KIAA1217: variants seen among roughly 807,000 people sequenced by gnomAD.
KIAA1217 encodes sickle tail protein homolog.
In KIAA1217, 88 loss-of-function variants were observed where a neutral mutation model predicts 163.9. The ratio of observed to expected loss-of-function variants is 0.54; its 90% CI spans 0.45 to 0.64. The LOEUF (loss-of-function observed/expected upper bound fraction) is 0.64, where lower values mean the gene tolerates loss of function less well. KIAA1217 is among the 30% of genes least tolerant of loss of function. The probability of loss-of-function intolerance (pLI) is 0.00; values close to 1 mark genes in which losing one functional copy is unlikely to be tolerated. For synonymous variants in KIAA1217, 903 were observed against 923.1 expected, an observed-to-expected ratio of 0.98 and a Z score of 0.39; for missense variants, 2,372 against 2,475.0, an observed-to-expected ratio of 0.96 and a Z score of 0.88.
intron 1 of KIAA1217, among the ~76,000 whole-genome samples, chr10:23,779,177 T>C (rs1588783481): frequency 6.6e-6 from 1 of 152,332 alleles, no homozygotes; most frequent in East Asian, 1.9e-4. Context: ...GCTGATGTAC[T>C]GTAACTATAA....
At chr10:24,354,194 G>A (rs2048789364) in intron 2 of KIAA1217, among the ~76,000 whole-genome samples, 1 of 152,196 alleles carries the variant, frequency 6.6e-6, no homozygotes, top group African/African-American at 2.4e-5. Flanking sequence ...TCTCTTATTT[G>A]ATTGCTATTA....
At chr10:24,152,228 T>G (rs1426821383) in intron 2 of KIAA1217, among the ~76,000 whole-genome samples, 1 of 152,212 alleles carries the variant, frequency 6.6e-6, no homozygotes, top group Non-Finnish European at 1.5e-5. Flanking sequence ...TTTTTATGTA[T>G]TTTAAACTCT....
chr10:24,108,418 T>C (rs952922902), intron 2 of KIAA1217, among the ~76,000 whole-genome samples: 10 of 152,200 alleles, frequency 6.6e-5, no homozygotes, highest in African/African-American at 2.4e-4. Flanking sequence ...TTTTTAAATG[T>C]GGTACTTGCA....
chr10:24,043,677 A>G (rs1387008288), intron 2 of KIAA1217, among the ~76,000 whole-genome samples: 1 of 152,138 alleles, frequency 6.6e-6, no homozygotes, highest in Non-Finnish European at 1.5e-5. Flanking sequence ...CTGTTAGACT[A>G]TGTATAAAGA....
chr10:24,238,948 T>G (rs934580113), intron 2 of KIAA1217, among the ~76,000 whole-genome samples: 1 of 152,338 alleles, frequency 6.6e-6, no homozygotes, highest in Middle Eastern at 3.4e-3. Flanking sequence ...CAAATTATAC[T>G]GTGCAGAGAT....
At chr10:24,308,777 C>T (rs2042286927) in intron 2 of KIAA1217, among the ~76,000 whole-genome samples, 1 of 152,066 alleles carries the variant, frequency 6.6e-6, no homozygotes, top group Non-Finnish European at 1.5e-5. Flanking sequence ...TCCTGTGTCC[C>T]TTCTACTTGA....
chr10:24,538,265 T>C (rs1414816616), intron 17 of KIAA1217, among the ~76,000 whole-genome samples: 1 of 152,108 alleles, frequency 6.6e-6, no homozygotes, highest in Non-Finnish European at 1.5e-5. Flanking sequence ...CCCTGGCTCA[T>C]AACCACCACG....
chr10:24,163,603 C>A (rs527303856), intron 2 of KIAA1217, among the ~76,000 whole-genome samples: 8 of 152,166 alleles, frequency 5.3e-5, no homozygotes, highest in Non-Finnish European at 1.0e-4. Flanking sequence ...TTAGTAAGTA[C>A]GCCTCACAAT....
rs544485071 is a variant in KIAA1217, at chr10:24,394,856, C to T, written c.553+13789C>T. Among the ~76,000 whole-genome samples the T allele has an allele frequency of 7.9e-5, 12 of 152,304 alleles. No individual in the cohort carries two copies. The East Asian group carries it at 1.7e-3, about 22-fold the overall frequency. ...CTGCTGCCGGTCTCTGTCTCCTTAC[C>T]TGCTGCATTCTAGTTTCATGATGCT... On this transcript the variant is annotated intron_variant, in intron 3 of 20. Coordinates refer to ENST00000376454, the MANE Select transcript of KIAA1217 (RefSeq NM_019590.5).
intron 6 of KIAA1217, among the ~76,000 whole-genome samples, chr10:24,493,488 T>A (rs143708755): frequency 6.6e-6 from 1 of 152,250 alleles, no homozygotes; most frequent in Non-Finnish European, 1.5e-5. Flanking sequence ...TTTTTAACAA[T>A]GTGTTGAAAA....
In KIAA1217 at chr10:23,941,287, G is replaced by T. The variant is rs1001203841; in HGVS notation, c.-320-65938G>T. ...ATTTTTATTACAAACAAATATGGAAGGCTTCTGGGTTCACGAATGGTGACG... is the reference window on the plus strand; with the variant it reads ...ATTTTTATTACAAACAAATATGGAATGCTTCTGGGTTCACGAATGGTGACG... On this transcript the variant is annotated intron_variant, in intron 1 of 18. Transcript: ENST00000376462. Among the ~76,000 whole-genome samples the T allele has an allele frequency of 3.9e-5, 6 of 152,264 alleles. No homozygotes were observed. The East Asian group carries it at 1.2e-3, about 29-fold the overall frequency.
intron 1 of KIAA1217, among the ~76,000 whole-genome samples, chr10:23,720,158 A>G (rs1199236449): frequency 4.6e-5 from 7 of 152,148 alleles, no homozygotes; most frequent in Middle Eastern, 3.4e-3. Context: ...TTGTATAATT[A>G]AGAATGGGTA....
At chr10:24,107,415 G>A (rs2062675212) in intron 2 of KIAA1217, among the ~76,000 whole-genome samples, 1 of 152,206 alleles carries the variant, frequency 6.6e-6, no homozygotes, top group African/African-American at 2.4e-5. Context: ...TGGGGTTGCT[G>A]GGACAAATGG....
chr10:24,378,601 T>C (rs905782072), intron 2 of KIAA1217, among the ~76,000 whole-genome samples: 1 of 151,680 alleles, frequency 6.6e-6, no homozygotes, highest in African/African-American at 2.4e-5. Context: ...CTTTTACCCA[T>C]GGTGCCTAGC....
chr10:23,938,687 G>A (rs1302186404), intron 1 of KIAA1217, among the ~76,000 whole-genome samples: 1 of 151,854 alleles, frequency 6.6e-6, no homozygotes, highest in Admixed American at 6.6e-5. Context: ...AAAAGGATGT[G>A]CCTCGGTTAT....
At chr10:24,046,413 C>G (rs1014976894) in intron 2 of KIAA1217, among the ~76,000 whole-genome samples, 4 of 152,150 alleles carry the variant, frequency 2.6e-5, no homozygotes, top group Non-Finnish European at 4.4e-5. Flanking sequence ...TTAGTCCATT[C>G]TCACACTGCT....
chr10:23,773,127 A>G (rs568516934), intron 1 of KIAA1217, among the ~76,000 whole-genome samples: 2 of 152,296 alleles, frequency 1.3e-5, no homozygotes, highest in East Asian at 3.9e-4. Flanking sequence ...GGAGAGAGGG[A>G]TATGATTGAC....
rs955742683 is a variant in KIAA1217, at chr10:23,882,831, T to A, written c.-320-124394T>A. On this transcript the variant is annotated intron_variant, in intron 1 of 18. Transcript: ENST00000376462. The stretch of plus-strand genomic sequence containing the variant: ...TGGAGATTGAAAAATATTTATGTGA[T>A]TCCTCATGAAAATGGGTTAAAAAAT... 4.6e-5 allele frequency among the ~76,000 whole-genome samples: 7 copies of A among 151,908 alleles called. 1 individual carries two copies. Among genetic ancestry groups the A allele is most frequent in the Admixed American group, 2.6e-4 (4 of 15,240 alleles).
At chr10:23,722,694 G>C (rs1837933584) in intron 1 of KIAA1217, among the ~76,000 whole-genome samples, 1 of 152,110 alleles carries the variant, frequency 6.6e-6, no homozygotes, top group Non-Finnish European at 1.5e-5. Flanking sequence ...TTATTGGTGA[G>C]GAAACTCTTA....
Sources: allele counts gnomAD v4.1 joint callset (sites outside exome capture counted in the v4.1 genomes callset), GRCh38; gene constraint gnomAD v4.1.1; transcripts MANE v1.5; gene names NCBI Gene and HGNC (gene_info 2026-07-23, HGNC 2026-07-21).